Variants in SIPA1L1 observed in about 807,000 individuals in gnomAD.
The protein encoded by SIPA1L1 is signal-induced proliferation-associated 1-like protein 1.
SIPA1L1 carries 26 observed loss-of-function variants against 162.7 expected under a neutral mutation model. That is an observed-to-expected ratio of 0.16 (90% CI 0.12 to 0.22). The LOEUF (loss-of-function observed/expected upper bound fraction) is 0.22. SIPA1L1 is among the 10% of genes least tolerant of loss of function. The probability of loss-of-function intolerance (pLI) is 1.00; values close to 1 mark genes in which losing one functional copy is unlikely to be tolerated. For synonymous variants in SIPA1L1, 829 were observed against 837.4 expected, an observed-to-expected ratio of 0.99 and a Z score of 0.17; for missense variants, 1,874 against 2,241.0, an observed-to-expected ratio of 0.84 and a Z score of 3.31.
chr14:71,592,956 G>A (rs1445506198), intron 5 of SIPA1L1, among the ~76,000 whole-genome samples: 2 of 152,066 alleles, frequency 1.3e-5, no homozygotes, highest in African/African-American at 2.4e-5. Context: ...TGTTTATATT[G>A]AGAACCAGGA....
chr14:71,723,964 T>C, intron 18 of SIPA1L1, 78 bp downstream of exon 18: 12 of 1,567,902 alleles, frequency 7.7e-6, no homozygotes, highest in Non-Finnish European at 9.6e-6. Flanking sequence ...CGTGATCTCT[T>C]ACAACAAAAG....
intron 5 of SIPA1L1, among the ~76,000 whole-genome samples, chr14:71,593,147 C>T (rs889941085): frequency 2.0e-5 from 3 of 152,076 alleles, no homozygotes; most frequent in Admixed American, 6.6e-5. Flanking sequence ...TTCAGATTAA[C>T]CTGAATTACT....
intron 6 of SIPA1L1, among the ~76,000 whole-genome samples, chr14:71,619,904 GAACT>G (rs1395533673): frequency 6.6e-6 from 1 of 152,134 alleles, no homozygotes; most frequent in Non-Finnish European, 1.5e-5. Context: ...AGAGAGAAAT[GAACT>G]AACATACTCT....
At chr14:71,407,627 C>T (rs1231545645) in intron 2 of SIPA1L1, among the ~76,000 whole-genome samples, 1 of 152,162 alleles carries the variant, frequency 6.6e-6, no homozygotes, top group Non-Finnish European at 1.5e-5. Flanking sequence ...CCATCTCAGC[C>T]TCCCAAGTAG....
At chr14:71,655,456 A>C (rs558669977) in intron 8 of SIPA1L1, among the ~76,000 whole-genome samples, 2 of 152,164 alleles carry the variant, frequency 1.3e-5, no homozygotes, top group East Asian at 3.9e-4. Flanking sequence ...CATTTGATAA[A>C]ATTATTTCTT....
chr14:71,542,267 C>A (rs192756103), intron 4 of SIPA1L1, among the ~76,000 whole-genome samples: 2,020 of 150,032 alleles, frequency 0.013, 41 homozygotes, highest in African/African-American at 0.047. Context: ...TCTTCTTCTT[C>A]TTCTTCCTCT....
At position 71,396,895 on chromosome 14, in the gene SIPA1L1, GAGTT is replaced by G. The variant is rs1284828584; in HGVS notation, c.-465+75719_-465+75722del. Among the ~76,000 whole-genome samples the G allele has an allele frequency of 3.3e-5, 5 of 152,270 alleles. No homozygotes were observed. In the East Asian group the frequency reaches 9.6e-4, roughly 29 times the overall value. ...AATGCTATTCATTATGGAGAATCTT[GAGTT>G]AGTTCCATTTGTGGAATGTTTCTTC... On this transcript the variant is annotated intron_variant, in intron 2 of 23. Coordinates refer to ENST00000381232, the MANE Select transcript of SIPA1L1 (RefSeq NM_001386936.1).
intron 4 of SIPA1L1, chr14:71,573,698 C>T (rs1395274417): frequency 2.2e-6 from 1 of 456,618 alleles, no homozygotes; most frequent in Non-Finnish European, 4.4e-6. Context: ...TATTTTCTGG[C>T]TTACCTGCCA....
chr14:71,561,647 G>T (rs910819876), intron 4 of SIPA1L1, among the ~76,000 whole-genome samples: 1 of 152,200 alleles, frequency 6.6e-6, no homozygotes, highest in Non-Finnish European at 1.5e-5. Flanking sequence ...GAGTGCAATG[G>T]CATGGTCTCG....
At chr14:71,524,730 T>A (rs1001882318) in intron 3 of SIPA1L1, among the ~76,000 whole-genome samples, 3 of 152,194 alleles carry the variant, frequency 2.0e-5, no homozygotes, top group African/African-American at 7.2e-5. Context: ...ATTATAAGCA[T>A]GATCGGCTGC....
At chr14:71,342,409 T>C (rs2035754738) in intron 2 of SIPA1L1, among the ~76,000 whole-genome samples, 1 of 152,222 alleles carries the variant, frequency 6.6e-6, no homozygotes, top group Admixed American at 6.5e-5. Flanking sequence ...CAAACTGCTT[T>C]CCACAGTGGC....
In SIPA1L1 at chr14:71,699,080, T is replaced by C; in HGVS notation, c.3474T>C (p.Asp1158=). The C allele has an allele frequency of 1.2e-6, 2 of 1,614,090 alleles. No homozygotes were observed. The highest frequency in any genetic ancestry group is 1.7e-6 in the Non-Finnish European group (2 of 1,179,914). ...CTAGCAACTTGTCTTCATCCAGTGA[T>C]ACTGGTTCTGTGGGGGGCACTTACA... ...NSPSNLSSSS[D]TGSVGGTYRQ... The change falls in exon 14 of 24, where the codon GAT becomes GAC. Residue 1158 remains aspartate (D), a synonymous_variant. Coordinates refer to ENST00000381232, the MANE Select transcript of SIPA1L1 (RefSeq NM_001386936.1).
At chr14:71,585,626 G>A (rs900882609) in intron 4 of SIPA1L1, among the ~76,000 whole-genome samples, 3 of 152,214 alleles carry the variant, frequency 2.0e-5, no homozygotes, top group African/African-American at 7.2e-5. Context: ...CACATGAAAT[G>A]TGGCAAGAGT....
At chr14:71,392,769 G>A (rs545484847) in intron 2 of SIPA1L1, among the ~76,000 whole-genome samples, 6 of 152,140 alleles carry the variant, frequency 3.9e-5, no homozygotes, top group Admixed American at 2.6e-4. Context: ...TCCTAACCTC[G>A]TGATCTGCCC....
chr14:71,524,549 G>A (rs2052672694), intron 3 of SIPA1L1, among the ~76,000 whole-genome samples: 1 of 152,076 alleles, frequency 6.6e-6, no homozygotes, highest in Non-Finnish European at 1.5e-5. Flanking sequence ...GTTCCATAAT[G>A]CTTGTAAGAT....
intron 7 of SIPA1L1, among the ~76,000 whole-genome samples, chr14:71,647,614 C>T (rs976916018): frequency 1.3e-5 from 2 of 152,140 alleles, no homozygotes; most frequent in African/African-American, 2.4e-5. Context: ...TTCCTGTCTA[C>T]AGATTGCTTG....
At chr14:71,330,498 T>C in intron 2 of SIPA1L1, 1 of 1,602,832 alleles carries the variant, frequency 6.2e-7, no homozygotes, top group Non-Finnish European at 8.5e-7. Flanking sequence ...CTTCCTGAAG[T>C]CCTGCTCTAT....
chr14:71,478,313 T>A (rs1286667165), intron 2 of SIPA1L1, among the ~76,000 whole-genome samples: 1 of 152,186 alleles, frequency 6.6e-6, no homozygotes, highest in Non-Finnish European at 1.5e-5. Flanking sequence ...TTTTTCCAAG[T>A]CTATACCTTA....
chr14:71,570,261 C>CTTTATTTA (rs573139905), intron 4 of SIPA1L1, among the ~76,000 whole-genome samples: 202 of 151,590 alleles, frequency 1.3e-3, no homozygotes, highest in Non-Finnish European at 2.4e-3. Context: ...ATCCATTTAT[C>CTTTATTTA]TTTATTTATT....
Sources: gnomAD v4.1 joint callset for allele counts (sites outside exome capture counted in the v4.1 genomes callset) on GRCh38, gnomAD v4.1.1 for gene constraint, MANE v1.5 for transcripts, NCBI Gene and HGNC (gene_info 2026-07-23, HGNC 2026-07-21) for gene names.